The following PRKN variants were observed in gnomAD, a reference collection of about 807,000 sequenced individuals.
PRKN encodes parkin RBR E3 ubiquitin protein ligase, also known as E3 ubiquitin-protein ligase parkin.
A neutral mutation model predicts 59.5 loss-of-function variants in PRKN; 56 were observed. The observed-to-expected ratio is 0.94, with a 90% CI of 0.76 to 1.18. PRKN has a LOEUF of 1.18. Among genes scored for constraint, PRKN ranks in the 50% most tolerant of loss-of-function variants. The pLI is 0.00. For missense variants in PRKN, 657 were observed against 596.4 expected, an observed-to-expected ratio of 1.10 and a Z score of -1.06; for synonymous variants, 250 against 222.1, an observed-to-expected ratio of 1.13 and a Z score of -1.12.
In PRKN at chr6:161,451,440, CA is replaced by C. The variant is rs373632831; in HGVS notation, c.1084-64564del. ...ACTGAGAAGCCTTCCTTGTGCCTGT[CA>C]CTACACTTCCATCAACAGACTCCAT... On this transcript the variant is annotated intron_variant, in intron 9 of 11. Transcript: ENST00000366898. This position sits in a 1 kb window ranked among gnomAD's most constrained non-coding sequence, Gnocchi z 5.9. Among the ~76,000 whole-genome samples the C allele has an allele frequency of 3.3e-5, 5 of 152,224 alleles. No individual in the cohort carries two copies. The highest frequency in any genetic ancestry group is 1.2e-4 in the African/African-American group (5 of 41,526).
intron 3 of PRKN, among the ~76,000 whole-genome samples, chr6:162,250,152 A>C (rs1779367370): frequency 6.7e-6 from 1 of 149,728 alleles, no homozygotes; most frequent in Non-Finnish European, 1.5e-5. Context: ...CCGTCTCAAA[A>C]ACAAACAAAT....
chr6:162,625,734 T>G (rs2846518), intron 1 of PRKN, among the ~76,000 whole-genome samples: 93,043 of 151,788 alleles, frequency 0.61, 29,239 homozygotes, highest in African/African-American at 0.75. Context: ...AAACTTATGT[T>G]TGCAAAAACA....
At chr6:162,607,028 AC>A (rs1400553543) in intron 1 of PRKN, among the ~76,000 whole-genome samples, 1 of 152,072 alleles carries the variant, frequency 6.6e-6, no homozygotes, top group Non-Finnish European at 1.5e-5. Flanking sequence ...ATTTATTGAA[AC>A]AAAAACACTG....
At chr6:161,919,575 G>T (rs1202090398) in intron 6 of PRKN, among the ~76,000 whole-genome samples, 1 of 152,208 alleles carries the variant, frequency 6.6e-6, no homozygotes, top group African/African-American at 2.4e-5. Context: ...GGTTTCAGTT[G>T]TTCCTGTTAT....
chr6:162,007,185 A>G (rs981656719), intron 5 of PRKN, among the ~76,000 whole-genome samples: 1 of 152,168 alleles, frequency 6.6e-6, no homozygotes, highest in Non-Finnish European at 1.5e-5. Context: ...AGGGCTGTGC[A>G]TTTAAAGAAA....
At chr6:161,934,205 C>T (rs1016286056) in intron 6 of PRKN, among the ~76,000 whole-genome samples, 2 of 152,170 alleles carry the variant, frequency 1.3e-5, no homozygotes, top group Admixed American at 6.5e-5. Flanking sequence ...TCTCTCCTGT[C>T]GCTTTGTGAA....
At chr6:162,657,505 G>A (rs1262089020) in intron 1 of PRKN, among the ~76,000 whole-genome samples, 1 of 151,924 alleles carries the variant, frequency 6.6e-6, no homozygotes, top group African/African-American at 2.4e-5. Flanking sequence ...AAAAAATACA[G>A]GAAACTAAGC....
chr6:161,453,692 A>C (rs1388149652), intron 9 of PRKN, among the ~76,000 whole-genome samples: 5 of 151,536 alleles, frequency 3.3e-5, no homozygotes, highest in Non-Finnish European at 5.9e-5. Context: ...AGAGAACTCC[A>C]ACTAATGCAC....
At chr6:162,437,862 C>T (rs983077415) in intron 2 of PRKN, among the ~76,000 whole-genome samples, 10 of 152,124 alleles carry the variant, frequency 6.6e-5, no homozygotes, top group Admixed American at 6.6e-5. Context: ...CCGTGTTCTG[C>T]TAATGTGAAT....
At chr6:162,248,655 T>A (rs1779300643) in intron 3 of PRKN, among the ~76,000 whole-genome samples, 1 of 152,154 alleles carries the variant, frequency 6.6e-6, no homozygotes, top group Non-Finnish European at 1.5e-5. Flanking sequence ...TTCCAGGACT[T>A]ATTTTAGTCT....
chr6:161,510,954 G>T (rs1425665922), intron 9 of PRKN, among the ~76,000 whole-genome samples: 1 of 152,140 alleles, frequency 6.6e-6, no homozygotes, highest in Non-Finnish European at 1.5e-5. Context: ...AAAGAAGCCA[G>T]TCCAGACATG....
At chr6:161,636,629 G>A (rs1783532236) in intron 7 of PRKN, among the ~76,000 whole-genome samples, 1 of 152,186 alleles carries the variant, frequency 6.6e-6, no homozygotes, top group Non-Finnish European at 1.5e-5. Context: ...AAATGCCAAA[G>A]AGCAAACTCA....
At chr6:162,119,677 C>A (rs994746208) in intron 4 of PRKN, among the ~76,000 whole-genome samples, 3 of 152,144 alleles carry the variant, frequency 2.0e-5, no homozygotes, top group Non-Finnish European at 4.4e-5. Flanking sequence ...GTTTATCTTG[C>A]CCCTCTAAGG....
rs534877626 is a variant in PRKN at position 161,775,588 on chromosome 6, G to A, written c.871+10184C>T. On this transcript the variant is annotated intron_variant, in intron 7 of 11. Coordinates refer to ENST00000366898, the MANE Select transcript of PRKN (RefSeq NM_004562.3). ...TAATTATGTTGAATTTTTAATATGCGTGTTGGCCATTTGCATATATTCTTT... is the reference window on the plus strand; with the variant it reads ...TAATTATGTTGAATTTTTAATATGCATGTTGGCCATTTGCATATATTCTTT... 1.1e-3 allele frequency among the ~76,000 whole-genome samples: 163 copies of A among 152,172 alleles called. 1 individual carries two copies. The highest frequency in any genetic ancestry group is 3.7e-3 in the African/African-American group (153 of 41,508).
At chr6:162,577,513 T>C (rs1006277834) in intron 1 of PRKN, among the ~76,000 whole-genome samples, 31 of 152,086 alleles carry the variant, frequency 2.0e-4, no homozygotes, top group African/African-American at 7.2e-4. Context: ...GGCAGGAGAA[T>C]TGCTTGAACC....
chr6:161,663,321 C>T (rs1027998973), intron 7 of PRKN, among the ~76,000 whole-genome samples: 8 of 152,110 alleles, frequency 5.3e-5, no homozygotes, highest in Non-Finnish European at 1.2e-4. Flanking sequence ...TCGACTTTGG[C>T]GAAGTCTCTG....
At chr6:162,160,671 A>G (rs1782712264) in intron 4 of PRKN, among the ~76,000 whole-genome samples, 1 of 152,020 alleles carries the variant, frequency 6.6e-6, no homozygotes, top group African/African-American at 2.4e-5. Flanking sequence ...AAAAGACCAC[A>G]TTAGCCTAAA....
At chr6:161,840,984 T>A (rs1486451602) in intron 6 of PRKN, among the ~76,000 whole-genome samples, 2 of 152,138 alleles carry the variant, frequency 1.3e-5, no homozygotes, top group East Asian at 3.9e-4. Flanking sequence ...GTAAAAAAAG[T>A]TCAGCCACTG....
chr6:161,654,344 C>T (rs1033163959), intron 7 of PRKN, among the ~76,000 whole-genome samples: 7 of 152,104 alleles, frequency 4.6e-5, no homozygotes, highest in African/African-American at 1.4e-4. Context: ...AAATCATGTA[C>T]CCCGGAAGCC....
Sources: gnomAD v4.1 joint callset for allele counts (sites outside exome capture counted in the v4.1 genomes callset) on GRCh38, gnomAD v4.1.1 for gene constraint, Gnocchi (gnomAD v3.1) non-coding constraint, MANE v1.5 for transcripts, NCBI Gene and HGNC (gene_info 2026-07-23, HGNC 2026-07-21) for gene names.